The following RPS6KA3 variants were observed in gnomAD, a reference collection of about 807,000 sequenced individuals.
The protein encoded by RPS6KA3 is ribosomal protein S6 kinase A3.
A neutral mutation model predicts 67.2 loss-of-function variants in RPS6KA3; 4 were observed. The observed-to-expected ratio is 0.06, with a 90% CI of 0.03 to 0.14. The LOEUF (loss-of-function observed/expected upper bound fraction) is 0.14, where lower values mean the gene tolerates loss of function less well. RPS6KA3 is among the 10% of genes least tolerant of loss of function. The probability of loss-of-function intolerance (pLI) is 1.00; values close to 1 mark genes in which losing one functional copy is unlikely to be tolerated. For synonymous variants in RPS6KA3, 182 were observed against 183.7 expected (o/e 0.99, Z 0.07); for missense variants, 204 against 559.0 (o/e 0.36, Z 6.40).
At chrX:20,232,570 TCAAAAAACAAACAAACAAACAAA>T (rs1442860120) in intron 2 of RPS6KA3, among the ~76,000 whole-genome samples, 4 of 110,300 alleles carry the variant, frequency 3.6e-5, no homozygotes, top group Admixed American at 9.7e-5. Context: ...AGACTCCGTC[TCAAAAAACAAACAAACAAACAAA>T]CAAAAAACAA....
chrX:20,164,062 G>A (rs1463293122), intron 18 of RPS6KA3, among the ~76,000 whole-genome samples: 2 of 111,627 alleles, frequency 1.8e-5, no homozygotes, highest in Non-Finnish European at 3.8e-5. Context: ...GAGGCAGGAG[G>A]ATTGCTTGAG....
intron 10 of RPS6KA3, among the ~76,000 whole-genome samples, chrX:20,180,100 CTTTTTT>C (rs774886359): frequency 1.0e-5 from 1 of 98,612 alleles, no homozygotes; most frequent in Admixed American, 1.1e-4. Flanking sequence ...AAAATTTAAA[CTTTTTT>C]TTTTTTTTTT....
At chrX:20,185,467 G>T (rs2067957946) in intron 10 of RPS6KA3, among the ~76,000 whole-genome samples, 2 of 110,474 alleles carry the variant, frequency 1.8e-5, no homozygotes, top group Admixed American at 9.7e-5. Context: ...CAAGCTCCTG[G>T]GCTCAAATGA....
intron 1 of RPS6KA3, among the ~76,000 whole-genome samples, chrX:20,248,602 C>T (rs1337919905): frequency 9.0e-6 from 1 of 111,672 alleles, no homozygotes; most frequent in Non-Finnish European, 1.9e-5. Flanking sequence ...GCCTCAGCCT[C>T]CTTCCAAGTA....
At chrX:20,228,286 T>C (rs1203070705) in intron 2 of RPS6KA3, among the ~76,000 whole-genome samples, 5 of 112,045 alleles carry the variant, frequency 4.5e-5, no homozygotes, top group Admixed American at 1.9e-4. Flanking sequence ...CTGGAAGTTA[T>C]TGGCTTGTCA....
At chrX:20,157,444 G>C (rs759296336) in intron 20 of RPS6KA3, among the ~76,000 whole-genome samples, 33 of 103,045 alleles carry the variant, frequency 3.2e-4, no homozygotes, top group African/African-American at 1.1e-3. Flanking sequence ...CAAGGCTGCA[G>C]TGAGCCGTGA....
chrX:20,207,483 T>G (rs2068600220), intron 3 of RPS6KA3, among the ~76,000 whole-genome samples: 1 of 112,029 alleles, frequency 8.9e-6, no homozygotes, highest in Admixed American at 9.5e-5. Flanking sequence ...AGATTGGAGA[T>G]ATAAATGTGT....
At chrX:20,193,381 G>A in intron 7 of RPS6KA3, 106 bp downstream of exon 7, 1 of 494,101 alleles carries the variant, frequency 2.0e-6, no homozygotes, top group Non-Finnish European at 3.6e-6. Context: ...TGAAGCACAG[G>A]CACGCTAGTG....
chrX:20,227,258 T>G (rs907445242), intron 2 of RPS6KA3, among the ~76,000 whole-genome samples: 15 of 111,633 alleles, frequency 1.3e-4, no homozygotes, highest in Non-Finnish European at 2.8e-4. Flanking sequence ...CTTCCTTTAA[T>G]CATCATAATG....
intron 1 of RPS6KA3, among the ~76,000 whole-genome samples, chrX:20,248,451 A>G (rs1374064683): frequency 1.8e-5 from 2 of 111,360 alleles, no homozygotes; most frequent in Non-Finnish European, 3.8e-5. Flanking sequence ...ATAAGTTTTT[A>G]ATTGAGAATA....
At chrX:20,213,825 T>C (rs977973284) in intron 2 of RPS6KA3, among the ~76,000 whole-genome samples, 2 of 110,771 alleles carry the variant, frequency 1.8e-5, no homozygotes, top group African/African-American at 6.6e-5. Context: ...TGAAAGCCTA[T>C]AGACAACAGC....
chrX:20,242,977 A>C (rs1243965708), intron 1 of RPS6KA3, among the ~76,000 whole-genome samples: 2 of 111,278 alleles, frequency 1.8e-5, no homozygotes, highest in South Asian at 3.7e-4. Context: ...AACTTTAATA[A>C]TCAGGTTATA....
At chrX:20,198,570 T>C (rs965743538) in intron 4 of RPS6KA3, among the ~76,000 whole-genome samples, 4 of 112,126 alleles carry the variant, frequency 3.6e-5, no homozygotes, top group Non-Finnish European at 7.5e-5. Context: ...CACCTCACCC[T>C]TTTTAAAGCT....
Position 20,178,636 on chromosome X carries a change from C to CTTTTT in RPS6KA3, c.846-1557_846-1553dup, listed in dbSNP as rs757383642. Among the ~76,000 whole-genome samples the CTTTTT allele has an allele frequency of 4.7e-3, 187 of 39,444 alleles. 1 individual carries two copies. Among genetic ancestry groups the CTTTTT allele is most frequent in the Middle Eastern group, 0.024 (1 of 41 alleles). The allele number at this position is 39,444 out of a possible 115,157, so 34.3% of individuals were successfully genotyped here. A position where few individuals can be genotyped will look rare whatever the true frequency, so the allele number is the denominator to read the frequency against. On this transcript the variant is annotated intron_variant, in intron 10 of 21. Transcript: ENST00000379565. Reference sequence around the variant, plus strand: ...TACAGGTGTGTGCTACCACACCTGGCTTTTTTTTTTTTTTTTTTTTTTTTT... The same window carrying CTTTTT: ...TACAGGTGTGTGCTACCACACCTGGCTTTTTTTTTTTTTTTTTTTTTTTTTTTTTT...
intron 1 of RPS6KA3, among the ~76,000 whole-genome samples, chrX:20,240,218 A>G (rs763930963): frequency 2.8e-5 from 3 of 108,005 alleles, no homozygotes; most frequent in Admixed American, 2.0e-4. Context: ...GAAGAGGAAA[A>G]GAAAAGATCC....
intron 20 of RPS6KA3, among the ~76,000 whole-genome samples, chrX:20,159,200 T>C (rs997753112): frequency 6.2e-5 from 7 of 112,468 alleles, no homozygotes; most frequent in Non-Finnish European, 1.3e-4. Context: ...ACTGCTCTAA[T>C]ATAGGTCCTC....
At chrX:20,170,187 T>G (rs952247044) in intron 15 of RPS6KA3, among the ~76,000 whole-genome samples, 4 of 112,274 alleles carry the variant, frequency 3.6e-5, no homozygotes, top group Non-Finnish European at 5.6e-5. Flanking sequence ...TTCTTAATGT[T>G]TTAATCTGCT....
At chrX:20,231,036 T>C (rs1304216649) in intron 2 of RPS6KA3, among the ~76,000 whole-genome samples, 1 of 110,883 alleles carries the variant, frequency 9.0e-6, no homozygotes, top group African/African-American at 3.3e-5. Context: ...CATAGCTCAC[T>C]GCAGCCTCAA....
chrX:20,200,593 TAC>T (rs1213289034), intron 4 of RPS6KA3, among the ~76,000 whole-genome samples: 2 of 112,333 alleles, frequency 1.8e-5, no homozygotes, highest in African/African-American at 6.5e-5. Flanking sequence ...TAATTTTCAC[TAC>T]ATTCATTTTT....
Sources: gnomAD v4.1 joint callset for allele counts (sites outside exome capture counted in the v4.1 genomes callset) on GRCh38, gnomAD v4.1.1 for gene constraint, MANE v1.5 for transcripts, NCBI Gene and HGNC (gene_info 2026-07-23, HGNC 2026-07-21) for gene names.